The following LYRM4 variants were observed in gnomAD, a reference collection of about 807,000 sequenced individuals.
The protein encoded by LYRM4 is LYR motif containing 4, also known as LYR motif-containing protein 4.
Under a neutral mutation model 11.7 loss-of-function variants are expected in LYRM4, and 9 were observed. The ratio of observed to expected loss-of-function variants is 0.77; its 90% CI spans 0.46 to 1.34. LYRM4 has a LOEUF of 1.34. Ranked by LOEUF, LYRM4 falls within the 40% of genes most tolerant of loss-of-function variation. LYRM4 has a pLI of 0.00. For synonymous variants in LYRM4, 42 were observed against 40.4 expected (o/e 1.04, Z -0.15); for missense variants, 133 against 112.5 (o/e 1.18, Z -0.82).
the LYRM4 span, among the ~76,000 whole-genome samples, chr6:5,090,055 C>T: frequency 7.5e-6 from 1 of 133,664 alleles, no homozygotes; most frequent in Non-Finnish European, 1.6e-5. This position sits in a 1 kb window ranked among gnomAD's most constrained non-coding sequence, Gnocchi z 4.8. Flanking sequence ...ACACACACCA[C>T]AAACAAAATC....
the LYRM4 span, chr6:5,031,833 T>C: frequency 6.6e-6 from 1 of 152,186 alleles, no homozygotes; most frequent in African/African-American, 2.4e-5. Flanking sequence ...TCATATACAA[T>C]TTATTAATAT....
At chr6:5,144,234 C>A (rs564899362) in intron 2 of LYRM4, 1 of 1,536,966 alleles carries the variant, frequency 6.5e-7, no homozygotes, top group African/African-American at 1.4e-5. Context: ...CCCCGACTTC[C>A]TCCTGGCGGC....
At chr6:5,044,522 T>G in the LYRM4 span, among the ~76,000 whole-genome samples, 3 of 152,224 alleles carry the variant, frequency 2.0e-5, no homozygotes, top group African/African-American at 7.2e-5. Context: ...CTCACCTGCT[T>G]TACTTCCAGA....
chr6:5,253,670 A>G (rs903199865), intron 1 of LYRM4, among the ~76,000 whole-genome samples: 1 of 152,146 alleles, frequency 6.6e-6, no homozygotes, highest in Non-Finnish European at 1.5e-5. Flanking sequence ...GTCGCCGGCC[A>G]TTGGAAGTTG....
chr6:5,145,726 AAT>A (rs765590372), intron 2 of LYRM4, among the ~76,000 whole-genome samples: 1 of 152,238 alleles, frequency 6.6e-6, no homozygotes, highest in Non-Finnish European at 1.5e-5. Context: ...AAAGGTCACC[AAT>A]ATGTCTTTAA....
intron 2 of LYRM4, among the ~76,000 whole-genome samples, chr6:5,192,334 G>A (rs552648608): frequency 1.3e-5 from 2 of 152,272 alleles, no homozygotes; most frequent in South Asian, 2.1e-4. Flanking sequence ...AGTACATAAT[G>A]TCCTCGCCTG....
At chr6:5,234,560 G>A (rs1763427204) in intron 1 of LYRM4, among the ~76,000 whole-genome samples, 1 of 152,246 alleles carries the variant, frequency 6.6e-6, no homozygotes, top group Admixed American at 6.5e-5. Flanking sequence ...CAGGGAAGGT[G>A]ATGTCTTTGA....
chr6:5,260,362 T>C (rs1382292552), intron 1 of LYRM4, among the ~76,000 whole-genome samples: 1 of 152,224 alleles, frequency 6.6e-6, no homozygotes, highest in Admixed American at 6.5e-5. Context: ...TGCAGAAACA[T>C]AACACTAATC....
intron 1 of LYRM4, among the ~76,000 whole-genome samples, chr6:5,252,443 C>T (rs1048930916): frequency 1.3e-5 from 2 of 152,200 alleles, no homozygotes; most frequent in Admixed American, 1.3e-4. Context: ...CAGTCCAACA[C>T]TTCAGCCACA....
intron 1 of LYRM4, among the ~76,000 whole-genome samples, chr6:5,249,737 C>T (rs899712705): frequency 1.3e-5 from 2 of 152,124 alleles, no homozygotes; most frequent in Non-Finnish European, 2.9e-5. Flanking sequence ...TGTAACTTAC[C>T]TAGTTTTATT....
At chr6:5,043,475 C>CT in the LYRM4 span, 1 of 152,146 alleles carries the variant, frequency 6.6e-6, no homozygotes, top group Non-Finnish European at 1.5e-5. Context: ...GGCCTTCTTT[C>CT]TAAGTCTCAT....
chr6:5,133,767 CCT>C (rs1488658134), intron 2 of LYRM4, among the ~76,000 whole-genome samples: 1 of 152,194 alleles, frequency 6.6e-6, no homozygotes, highest in Non-Finnish European at 1.5e-5. Context: ...GCAGCCCCTC[CCT>C]GTTTTCTTAT....
the LYRM4 span, among the ~76,000 whole-genome samples, chr6:5,039,799 A>G: frequency 1.3e-5 from 2 of 152,196 alleles, no homozygotes; most frequent in African/African-American, 4.8e-5. Flanking sequence ...AAAAGCCAAG[A>G]CATTCTTAAG....
the LYRM4 span, among the ~76,000 whole-genome samples, chr6:5,052,835 C>A: frequency 6.6e-6 from 1 of 152,228 alleles, no homozygotes. Context: ...CCTGCACTCT[C>A]TATGCTTCAC....
chr6:5,203,991 C>T (rs766073981), intron 2 of LYRM4, among the ~76,000 whole-genome samples: 3 of 152,316 alleles, frequency 2.0e-5, no homozygotes, highest in East Asian at 1.9e-4. Context: ...ATGGGCCCAG[C>T]GCTGTGCTGT....
chr6:5,095,873 G>A, the LYRM4 span, among the ~76,000 whole-genome samples: 10 of 152,068 alleles, frequency 6.6e-5, no homozygotes, highest in Non-Finnish European at 4.4e-5. Context: ...CCAGCTATTC[G>A]GGAGGCTGAG....
the LYRM4 span, among the ~76,000 whole-genome samples, chr6:5,052,746 A>G: frequency 6.6e-6 from 1 of 152,250 alleles, no homozygotes; most frequent in Admixed American, 6.5e-5. Flanking sequence ...TATGTTATGC[A>G]TATTTACAAT....
At chr6:5,119,148 T>C (rs751311279) in intron 2 of LYRM4, among the ~76,000 whole-genome samples, 6 of 152,216 alleles carry the variant, frequency 3.9e-5, no homozygotes, top group African/African-American at 7.2e-5. Context: ...ATATTCTTAA[T>C]GTGGAGGGAG....
chr6:5,042,619 A>G, the LYRM4 span: 1 of 152,642 alleles, frequency 6.6e-6, no homozygotes, highest in African/African-American at 2.4e-5. Flanking sequence ...CACATCCCAG[A>G]TGACATTCCT....
Sources: gnomAD v4.1 joint callset for allele counts (sites outside exome capture counted in the v4.1 genomes callset) on GRCh38, gnomAD v4.1.1 for gene constraint, Gnocchi (gnomAD v3.1) non-coding constraint, MANE v1.5 for transcripts, NCBI Gene and HGNC (gene_info 2026-07-23, HGNC 2026-07-21) for gene names.